KIF16B: variants seen among roughly 807,000 people sequenced by gnomAD.
The protein encoded by KIF16B is kinesin-like protein KIF16B.
In KIF16B, 98 loss-of-function variants were observed where a neutral mutation model predicts 156.3. The ratio of observed to expected loss-of-function variants is 0.63; its 90% CI spans 0.53 to 0.74. The LOEUF (loss-of-function observed/expected upper bound fraction) is 0.74. KIF16B is among the 30% of genes least tolerant of loss of function. The pLI is 0.00. For synonymous variants in KIF16B, 564 were observed against 583.7 expected, an observed-to-expected ratio of 0.97 and a Z score of 0.49; for missense variants, 1,421 against 1,606.5, an observed-to-expected ratio of 0.88 and a Z score of 1.97.
chr20:16,326,922 A>G (rs2063860427), intron 24 of KIF16B, among the ~76,000 whole-genome samples: 1 of 151,810 alleles, frequency 6.6e-6, no homozygotes, highest in African/African-American at 2.4e-5. Context: ...ACATGGAATC[A>G]GCCCAAATGC....
chr20:16,408,376 G>A (rs2146286188), intron 15 of KIF16B, among the ~76,000 whole-genome samples: 1 of 152,096 alleles, frequency 6.6e-6, no homozygotes, highest in Admixed American at 6.6e-5. Flanking sequence ...TTCCAATTAT[G>A]GCAAGACCAT....
rs76095880 is a variant in KIF16B, at chr20:16,384,378, G to A, written c.1785-2631C>T. On this transcript the variant is annotated intron_variant, in intron 17 of 25. Coordinates refer to ENST00000354981, the MANE Select transcript of KIF16B (RefSeq NM_024704.5). ...CTAGGATCAAGGCAAGCTTCCTGAA[G>A]AAGCATATATCTAATCTGAGTCATT... 7.7e-3 allele frequency among the ~76,000 whole-genome samples: 1,173 copies of A among 152,156 alleles called. 13 individuals are homozygous for A. Among genetic ancestry groups the A allele is most frequent in the African/African-American group, 0.025 (1,024 of 41,512 alleles).
chr20:16,497,899 T>G (rs2068499655), intron 10 of KIF16B, among the ~76,000 whole-genome samples: 1 of 152,184 alleles, frequency 6.6e-6, no homozygotes, highest in Non-Finnish European at 1.5e-5. Context: ...AACCTACATT[T>G]GCAATACAAA....
chr20:16,305,877 GTA>G (rs1293036340), intron 25 of KIF16B, among the ~76,000 whole-genome samples: 1 of 152,082 alleles, frequency 6.6e-6, no homozygotes, highest in African/African-American at 2.4e-5. Context: ...ATTCCATTGT[GTA>G]TATATACCAT....
At chr20:16,382,913 T>C (rs1198170953) in intron 17 of KIF16B, among the ~76,000 whole-genome samples, 1 of 152,200 alleles carries the variant, frequency 6.6e-6, no homozygotes, top group Non-Finnish European at 1.5e-5. Context: ...TACTTAGTCA[T>C]GAGTGAACAA....
intron 6 of KIF16B, among the ~76,000 whole-genome samples, chr20:16,510,470 T>C (rs2068923035): frequency 6.6e-6 from 1 of 152,014 alleles, no homozygotes; most frequent in African/African-American, 2.4e-5. Context: ...GCCAAGATGG[T>C]GAAACCCTGT....
chr20:16,507,279 T>G (rs1195221893), intron 7 of KIF16B, among the ~76,000 whole-genome samples: 4 of 152,084 alleles, frequency 2.6e-5, no homozygotes, highest in African/African-American at 9.7e-5. Context: ...TGCTCTTTGA[T>G]CTCCCTCATT....
rs745629960 is a variant in KIF16B at position 16,528,386 on chromosome 20, T to G, written c.102A>C (p.Thr34=). The G allele has an allele frequency of 6.2e-7, 1 of 1,614,034 alleles. No individual in the cohort carries two copies. The highest frequency in any genetic ancestry group is 8.5e-7 in the Non-Finnish European group (1 of 1,179,896). ...FIIQMEKSKT[T]ITNLKIPEGG... ...CATGACTTGCCTTTAAGTTTGTGAT[T>G]GTCGTTTTGCTTTTCTCCATCTGAA... The change falls in exon 2 of 26, where the codon ACA becomes ACC. Residue 34 remains threonine (T), a synonymous_variant. Coordinates refer to ENST00000354981, the MANE Select transcript of KIF16B (RefSeq NM_024704.5).
intron 25 of KIF16B, among the ~76,000 whole-genome samples, chr20:16,276,379 G>A (rs1295055478): frequency 1.3e-5 from 2 of 152,198 alleles, no homozygotes; most frequent in Non-Finnish European, 2.9e-5. Context: ...GTCAGGTAAT[G>A]TCTTTTTCTT....
intron 15 of KIF16B, among the ~76,000 whole-genome samples, chr20:16,412,020 A>G (rs945255938): frequency 2.6e-5 from 4 of 151,640 alleles, no homozygotes; most frequent in Non-Finnish European, 5.9e-5. Flanking sequence ...GAAACCTGAG[A>G]CAAAATACAG....
chr20:16,410,190 TATAC>T (rs2065912165), intron 15 of KIF16B, among the ~76,000 whole-genome samples: 1 of 145,458 alleles, frequency 6.9e-6, no homozygotes, highest in Non-Finnish European at 1.5e-5. Context: ...TGTAGGTACA[TATAC>T]ATATATGTAG....
At chr20:16,303,156 A>G (rs1318007970) in intron 25 of KIF16B, among the ~76,000 whole-genome samples, 3 of 152,210 alleles carry the variant, frequency 2.0e-5, no homozygotes, top group Admixed American at 2.0e-4. Flanking sequence ...TATATGAATT[A>G]TTTCATTAAC....
intron 1 of KIF16B, among the ~76,000 whole-genome samples, chr20:16,540,753 A>T (rs6034522): frequency 6.6e-6 from 1 of 151,942 alleles, no homozygotes; most frequent in African/African-American, 2.4e-5. Flanking sequence ...ACCCAAGAGC[A>T]CTTCTCTTTT....
chr20:16,398,464 G>A (rs2065568242), intron 17 of KIF16B, among the ~76,000 whole-genome samples: 1 of 152,174 alleles, frequency 6.6e-6, no homozygotes, highest in Non-Finnish European at 1.5e-5. Flanking sequence ...GTTCATGGCA[G>A]GGACAGGACT....
intron 15 of KIF16B, among the ~76,000 whole-genome samples, chr20:16,413,689 C>T (rs2146328258): frequency 6.6e-6 from 1 of 152,078 alleles, no homozygotes; most frequent in South Asian, 2.1e-4. Flanking sequence ...CTACATTTTA[C>T]TTTAGAAACA....
chr20:16,410,021 A>T (rs2065893380), intron 15 of KIF16B, among the ~76,000 whole-genome samples: 1 of 109,408 alleles, frequency 9.1e-6, no homozygotes, highest in Non-Finnish European at 1.9e-5. Flanking sequence ...GTAGGTACAT[A>T]TATATATGTA....
At chr20:16,511,811 TTA>T (rs778927691) in intron 5 of KIF16B, among the ~76,000 whole-genome samples, 1 of 152,150 alleles carries the variant, frequency 6.6e-6, no homozygotes, top group Non-Finnish European at 1.5e-5. Context: ...ACTGGTTTCA[TTA>T]TATGTTGTTT....
chr20:16,354,902 C>T lies in KIF16B; in HGVS notation c.3621+1428G>A, dbSNP rs201572280. Among the ~76,000 whole-genome samples, 8 of 151,974 alleles carry T rather than the reference C, an allele frequency of 5.3e-5. No individual in the cohort carries two copies. The East Asian group carries it at 5.8e-4, about 11-fold the overall frequency. ...CGGAGGTTGCAGTGAGCTGAGATCG[C>T]GCCACTGCACTCCAGCCTGGGCAAC... On this transcript the variant is annotated intron_variant, in intron 23 of 25. Transcript: ENST00000354981.
At chr20:16,276,018 A>G (rs2063055804) in intron 25 of KIF16B, among the ~76,000 whole-genome samples, 1 of 152,246 alleles carries the variant, frequency 6.6e-6, no homozygotes, top group African/African-American at 2.4e-5. Flanking sequence ...TTCACAGTTT[A>G]ATGCATGATA....
Sources: allele counts gnomAD v4.1 joint callset (sites outside exome capture counted in the v4.1 genomes callset), GRCh38; gene constraint gnomAD v4.1.1; transcripts MANE v1.5; gene names NCBI Gene and HGNC (gene_info 2026-07-23, HGNC 2026-07-21).